GNB5: variants seen among roughly 807,000 people sequenced by gnomAD.
GNB5 encodes G protein subunit beta 5, also known as guanine nucleotide-binding protein subunit beta-5.
Under a neutral mutation model 55.3 loss-of-function variants are expected in GNB5, and 37 were observed. The observed-to-expected ratio is 0.67, with a 90% CI of 0.51 to 0.88. The LOEUF is 0.88. Ranked by LOEUF, GNB5 falls within the 40% of genes least tolerant of loss-of-function variation. GNB5 has a pLI of 0.00. For synonymous variants in GNB5, 219 were observed against 198.5 expected, an observed-to-expected ratio of 1.10 and a Z score of -0.87; for missense variants, 476 against 515.3, an observed-to-expected ratio of 0.92 and a Z score of 0.74.
At position 52,174,347 on chromosome 15, in the gene GNB5, T is replaced by C. The variant is rs372756482; in HGVS notation, c.238+5421A>G. On this transcript the variant is annotated intron_variant, in intron 3 of 12. Transcript: ENST00000261837. ...CAGAAATGAATGCACACTGTAACCA[T>C]ATGATTCTAAAATGCCTTGGAATCA... Among the ~76,000 whole-genome samples, 131 of 152,344 alleles carry C rather than the reference T, an allele frequency of 8.6e-4. No individual in the cohort carries two copies. In the Middle Eastern group the frequency reaches 0.014, roughly 16 times the overall value.
Position 52,179,954 on chromosome 15 carries a change from A to C in GNB5, c.127-75T>G, listed in dbSNP as rs1193455943. 5 of 1,420,970 alleles carry C rather than the reference A, an allele frequency of 3.5e-6. No homozygotes were observed. In the East Asian group the frequency reaches 1.3e-4, roughly 38 times the overall value. 88.0% of individuals were successfully genotyped at this position (1,420,970 alleles called of 1,614,324 possible). On this transcript the variant is annotated intron_variant, in intron 2 of 12. Transcript: ENST00000261837. ...GAGCCGCGGCGGGCGCCGCTCCAGC[A>C]GCCGTCCCCGGCCCCGAGCACCGCC...
rs1168734914 is a variant in GNB5 at position 52,136,172 on chromosome 15, A to ACACACACACACACACACACACC, written c.628-417_628-416insGGTGTGTGTGTGTGTGTGTGTG. 1.4e-4 allele frequency among the ~76,000 whole-genome samples: 14 copies of ACACACACACACACACACACACC among 100,112 alleles called. 2 individuals carry two copies. The highest frequency in any genetic ancestry group is 5.3e-4 in the African/African-American group (12 of 22,782). 65.7% of individuals were successfully genotyped at this position (100,112 alleles called of 152,430 possible). A position where few individuals can be genotyped will look rare whatever the true frequency, so the allele number is the denominator to read the frequency against. ...CACACACACACACACACACACACAC[A>ACACACACACACACACACACACC]CCCTACCTGCTGTATCTGGGTTCAT... is the stretch of plus-strand genomic sequence containing the variant. On this transcript the variant is annotated intron_variant, in intron 7 of 12. Transcript: ENST00000261837.
intron 3 of GNB5, among the ~76,000 whole-genome samples, chr15:52,174,198 C>G (rs2034605166): frequency 6.6e-6 from 1 of 152,182 alleles, no homozygotes; most frequent in African/African-American, 2.4e-5. Context: ...GGATTCTCCC[C>G]TAAAGCTTCC....
intron 3 of GNB5, among the ~76,000 whole-genome samples, chr15:52,168,402 A>T (rs2034491846): frequency 6.6e-6 from 1 of 152,196 alleles, no homozygotes; most frequent in Admixed American, 6.5e-5. Context: ...ACCTGGGAAT[A>T]CAGCTAACAA....
intron 1 of GNB5, among the ~76,000 whole-genome samples, chr15:52,188,093 A>C (rs1160757177): frequency 6.6e-6 from 1 of 152,196 alleles, no homozygotes; most frequent in Non-Finnish European, 1.5e-5. Context: ...TTATAAGTAT[A>C]TATGTGTGTA....
intron 11 of GNB5, chr15:52,124,842 T>C: frequency 1.9e-6 from 1 of 516,116 alleles, no homozygotes; most frequent in East Asian, 3.2e-5. Context: ...AACAGATCAC[T>C]GTAGCATCCC....
intron 3 of GNB5, among the ~76,000 whole-genome samples, chr15:52,160,729 T>C (rs1035729687): frequency 2.0e-5 from 3 of 152,186 alleles, no homozygotes; most frequent in African/African-American, 7.2e-5. Flanking sequence ...CATATATATG[T>C]GTATAAGCAG....
chr15:52,147,426 A>G, intron 6 of GNB5, 33 bp downstream of exon 6: 1 of 1,254,090 alleles, frequency 8.0e-7, no homozygotes, highest in African/African-American at 1.5e-5. Context: ...TGGTTAACAC[A>G]AATTCTGAAA....
chr15:52,140,027 T>C (rs2033816322), intron 7 of GNB5: 11 of 1,116,422 alleles, frequency 9.9e-6, no homozygotes, highest in Admixed American at 3.6e-5. Context: ...CAGCGCCCCC[T>C]GGTGAACAAG....
In GNB5 at chr15:52,125,843, A is replaced by G. The variant is rs73402857; in HGVS notation, c.1009+105T>C. ...TATGGATGATTTCGCATACTGGTCC[A>G]CAGGAAGCTCAGTTGATGAAAAGGA... On this transcript the variant is annotated intron_variant, in intron 11 of 12. Transcript: ENST00000261837. 0.043 allele frequency: 27,705 copies of G among 646,868 alleles called. 987 individuals carry two copies. Among genetic ancestry groups the G allele is most frequent in the African/African-American group, 0.14 (7,877 of 54,860 alleles). 40.1% of individuals were successfully genotyped at this position (646,868 alleles called of 1,614,324 possible).
Position 52,146,042 on chromosome 15 carries a change from C to T in GNB5, c.494+1417G>A, listed in dbSNP as rs190279698. 4.7e-3 allele frequency among the ~76,000 whole-genome samples: 706 copies of T among 150,798 alleles called. 17 individuals are homozygous for T. The highest frequency in any genetic ancestry group is 0.024 in the Admixed American group (366 of 15,174). ...CGCGATCTTGGCTCACTGCAAGCTC[C>T]GCCTCCTGGGTTCACGCCATTCTCC... On this transcript the variant is annotated intron_variant, in intron 6 of 12. Coordinates refer to ENST00000261837, the MANE Select transcript of GNB5 (RefSeq NM_016194.4).
At position 52,124,469 on chromosome 15, in the gene GNB5, T is replaced by C; in HGVS notation, c.1176+4A>G. The C allele has an allele frequency of 6.2e-7, 1 of 1,610,078 alleles. No homozygotes were observed. The highest frequency in any genetic ancestry group is 8.5e-7 in the Non-Finnish European group (1 of 1,176,792). On this transcript the variant is annotated splice_donor_region_variant and intron_variant, in intron 12 of 12. Coordinates refer to ENST00000261837, the MANE Select transcript of GNB5 (RefSeq NM_016194.4). ...ACAGGAAAACAGAAAACCATCCCTC[T>C]TACTCTGAGGGTATGATCCCATGAT...
chr15:52,153,248 G>A (rs1421441350), intron 4 of GNB5, among the ~76,000 whole-genome samples: 1 of 152,208 alleles, frequency 6.6e-6, no homozygotes, highest in African/African-American at 2.4e-5. Flanking sequence ...CAGGTCCAAT[G>A]GTGAGGAACT....
At chr15:52,159,626 T>C (rs191063140) in intron 3 of GNB5, among the ~76,000 whole-genome samples, 336 of 152,208 alleles carry the variant, frequency 2.2e-3, no homozygotes, top group Non-Finnish European at 3.9e-3. Context: ...TGTAGGCCAG[T>C]GAATGTTTGC....
At position 52,153,671 on chromosome 15, in the gene GNB5, CAT is replaced by C. The variant is rs57679510; in HGVS notation, c.375+267_375+268del. On this transcript the variant is annotated intron_variant, in intron 4 of 12. Transcript: ENST00000261837. ...AAAGAAACTATTTAAAAACTGGTTT[CAT>C]TTACAAATAAGACTTTGAAATTATT... Among the ~76,000 whole-genome samples, 5,149 of 152,216 alleles carry C rather than the reference CAT, an allele frequency of 0.034. 301 individuals are homozygous for C. Among genetic ancestry groups the C allele is most frequent in the African/African-American group, 0.12 (4,864 of 41,524 alleles).
intron 6 of GNB5, among the ~76,000 whole-genome samples, chr15:52,145,855 T>G (rs529929821): frequency 6.6e-6 from 1 of 152,270 alleles, no homozygotes; most frequent in East Asian, 1.9e-4. Flanking sequence ...ATAAAATTCT[T>G]TCTTCCTGAT....
chr15:52,121,501 T>C lies in GNB5; in HGVS notation c.*1256A>G, dbSNP rs1053926201. The C allele has an allele frequency of 1.1e-5, 1 of 87,718 alleles. No homozygotes were observed. The highest frequency in any genetic ancestry group is 2.2e-5 in the Non-Finnish European group (1 of 44,686). 5.4% of individuals were successfully genotyped at this position (87,718 alleles called of 1,614,324 possible). ...TTCTGAGTCTCAAATAAAGAGAAGA[T>C]CTTCTTTTAATATCGTTTTTCTATG... On this transcript the variant is annotated 3_prime_UTR_variant, in exon 13 of 13. Transcript: ENST00000261837.
intron 2 of GNB5, among the ~76,000 whole-genome samples, chr15:52,181,472 C>T (rs2034768077): frequency 6.6e-6 from 1 of 152,036 alleles, no homozygotes; most frequent in Non-Finnish European, 1.5e-5. Flanking sequence ...AAAAATTAGT[C>T]GGGCGTGGTG....
intron 3 of GNB5, among the ~76,000 whole-genome samples, chr15:52,164,308 TAAAAAAAAAAAAA>T (rs56029917): frequency 6.0e-5 from 3 of 50,420 alleles, no homozygotes; most frequent in East Asian, 6.1e-4. Flanking sequence ...GACTCTGTCT[TAAAAAAAAAAAAA>T]AAAAAAAAAA....
Sources: allele counts gnomAD v4.1 joint callset (sites outside exome capture counted in the v4.1 genomes callset), GRCh38; gene constraint gnomAD v4.1.1; transcripts MANE v1.5; gene names NCBI Gene and HGNC (gene_info 2026-07-23, HGNC 2026-07-21).